The following NR1D2 variants were observed in gnomAD, a reference collection of about 807,000 sequenced individuals.
NR1D2 encodes the protein V-erbA-related protein 1-related.
Under a neutral mutation model 52.2 loss-of-function variants are expected in NR1D2, and 25 were observed. The ratio of observed to expected loss-of-function variants is 0.48; its 90% CI spans 0.35 to 0.67. The LOEUF is 0.67. NR1D2 is among the 30% of genes least tolerant of loss of function. The probability of loss-of-function intolerance (pLI) is 0.01; values close to 1 mark genes in which losing one functional copy is unlikely to be tolerated. For synonymous variants in NR1D2, 259 were observed against 230.1 expected, an observed-to-expected ratio of 1.13 and a Z score of -1.14; for missense variants, 681 against 707.2, an observed-to-expected ratio of 0.96 and a Z score of 0.42.
chr3:23,971,169 A>G (rs554485616), intron 7 of NR1D2, among the ~76,000 whole-genome samples: 1 of 152,180 alleles, frequency 6.6e-6, no homozygotes, highest in South Asian at 2.1e-4. Flanking sequence ...TTAAAATGAA[A>G]AGTCTCTGCT....
chr3:23,963,607 G>A (rs1250178028), intron 5 of NR1D2, among the ~76,000 whole-genome samples: 1 of 152,008 alleles, frequency 6.6e-6, no homozygotes, highest in South Asian at 2.1e-4. Context: ...GCATCACCAT[G>A]CCTGGCTAAT....
intron 1 of NR1D2, among the ~76,000 whole-genome samples, chr3:23,947,507 T>A (rs1048030019): frequency 2.6e-5 from 4 of 152,216 alleles, no homozygotes; most frequent in Non-Finnish European, 4.4e-5. Context: ...GTTGGATGAT[T>A]ATCAAGTTCC....
intron 2 of NR1D2, among the ~76,000 whole-genome samples, chr3:23,955,766 T>C (rs571000980): frequency 6.6e-6 from 1 of 152,048 alleles, no homozygotes; most frequent in East Asian, 1.9e-4. Context: ...GAGGTTGCAA[T>C]GAGCTGAGAT....
chr3:23,972,402 T>G (rs566141549), intron 7 of NR1D2, among the ~76,000 whole-genome samples: 30 of 152,318 alleles, frequency 2.0e-4, no homozygotes, highest in Admixed American at 1.4e-3. Context: ...ATCTCAAACA[T>G]GATGTTTGCC....
In NR1D2 at chr3:23,962,125, A is replaced by G. The variant is rs1339860153; in HGVS notation, c.666A>G (p.Pro222=). Residue 222 remains proline (P), a synonymous_variant, in exon 5 of 8, where the codon CCA becomes CCG. Transcript: ENST00000312521. ...LVEHHEQTAL[P]AQEQLRPKPQ... ...AACATCATGAACAGACAGCCTTGCC[A>G]GCCCAGGAACAGCTGCGACCCAAGC... The G allele has an allele frequency of 1.2e-6, 2 of 1,614,110 alleles. No homozygotes were observed. The highest frequency in any genetic ancestry group is 1.7e-6 in the Non-Finnish European group (2 of 1,180,048).
intron 1 of NR1D2, 23 bp downstream of exon 1, chr3:23,945,617 T>TG (rs1482283210): frequency 2.0e-6 from 2 of 1,016,850 alleles, no homozygotes; most frequent in Non-Finnish European, 2.3e-6. Context: ...CTGCGGCGGG[T>TG]GGGGGATGGC....
In NR1D2 at chr3:23,979,547, AATATATAC is replaced by A. The variant is rs576074248; in HGVS notation, c.*2139_*2146del. The stretch of plus-strand genomic sequence containing the variant: ...TGCTTATAAAACTTTAGTTAGGTTC[AATATATAC>A]ATATATACATCTCTATATAGGTATA... On this transcript the variant is annotated 3_prime_UTR_variant, in exon 8 of 8. Transcript: ENST00000312521. 2.8e-4 allele frequency: 42 copies of A among 152,232 alleles called. No individual in the cohort carries two copies. The highest frequency in any genetic ancestry group is 1.0e-3 in the African/African-American group (42 of 41,570). The allele number at this position is 152,232 out of a possible 1,614,324, so 9.4% of individuals were successfully genotyped here. A position where few individuals can be genotyped will look rare whatever the true frequency, so the allele number is the denominator to read the frequency against.
At chr3:23,967,704 A>T in intron 6 of NR1D2, 109 bp from the exon 7 acceptor site, 5 of 807,868 alleles carry the variant, frequency 6.2e-6, no homozygotes, top group Admixed American at 2.8e-5. Context: ...TTCTTTTATA[A>T]CTTTCTTTTA....
At chr3:23,945,966 C>T (rs1705676699) in intron 1 of NR1D2, among the ~76,000 whole-genome samples, 1 of 151,442 alleles carries the variant, frequency 6.6e-6, no homozygotes, top group Admixed American at 6.6e-5. Flanking sequence ...CGGGCGGGGA[C>T]ACGTGAGGCC....
chr3:23,963,466 T>C, intron 5 of NR1D2: 1 of 1,121,478 alleles, frequency 8.9e-7, no homozygotes, highest in Admixed American at 4.2e-5. Flanking sequence ...TTGTTTTTTT[T>C]TTTGAGACAT....
chr3:23,961,952 C>T (rs200047267), intron 4 of NR1D2, 25 bp from the exon 5 acceptor site: 26 of 1,554,734 alleles, frequency 1.7e-5, no homozygotes, highest in East Asian at 4.5e-5. Flanking sequence ...AGAATATAGA[C>T]GTTAAATATC....
At chr3:23,964,821 G>T (rs1706396509) in intron 5 of NR1D2, 156 bp from the exon 6 acceptor site, 1 of 556,634 alleles carries the variant, frequency 1.8e-6, no homozygotes, top group Non-Finnish European at 3.2e-6. Context: ...ACAGTATGGT[G>T]GGCAGCAAAT....
Position 23,977,472 on chromosome 3 carries a change from A to G in NR1D2, c.*53A>G. 1.6e-6 allele frequency: 2 copies of G among 1,261,192 alleles called. No individual in the cohort carries two copies. Among genetic ancestry groups the G allele is most frequent in the Non-Finnish European group, 2.2e-6 (2 of 910,600 alleles). 78.1% of individuals were successfully genotyped at this position (1,261,192 alleles called of 1,614,324 possible). ...ATGGTAACTGTACATTTTGTGCTAAAATGCATATTTATATGTGTATACCAT... is the reference window on the plus strand; with the variant it reads ...ATGGTAACTGTACATTTTGTGCTAAGATGCATATTTATATGTGTATACCAT... On this transcript the variant is annotated 3_prime_UTR_variant, in exon 8 of 8. Transcript: ENST00000312521.
intron 6 of NR1D2, among the ~76,000 whole-genome samples, chr3:23,967,024 A>G (rs1706465610): frequency 6.6e-6 from 1 of 151,548 alleles, no homozygotes; most frequent in Non-Finnish European, 1.5e-5. Flanking sequence ...ACCCTGTCTC[A>G]ATAAATAAAT....
chr3:23,950,229 T>C (rs1705888477), intron 1 of NR1D2, among the ~76,000 whole-genome samples: 1 of 152,248 alleles, frequency 6.6e-6, no homozygotes, highest in Non-Finnish European at 1.5e-5. Context: ...AGAAGACCAC[T>C]CAGGTTTAGA....
chr3:23,962,598 T>G lies in NR1D2; in HGVS notation c.1139T>G (p.Met380Arg). ...TACCTGTGCAACACTGGAGGAAGAATGCATCTGGTATAGTGAAATCGATTT... is the reference window on the plus strand; with the variant it reads ...TACCTGTGCAACACTGGAGGAAGAAGGCATCTGGTATAGTGAAATCGATTT... Reference protein sequence around the residue: ...NSYLCNTGGRMHLVCPMSKSP... With the variant: ...NSYLCNTGGRRHLVCPMSKSP... The change falls in exon 5 of 8, where the codon ATG (methionine) becomes AGG (arginine). Residue 380 changes from methionine (M) to arginine (R), a missense_variant. Met to Arg is a moderately conservative substitution (Grantham distance 91). Around this residue, in one of 3 missense-constraint regions of NR1D2, gnomAD observed 475 missense variants for 454.5 expected, o/e 1.05. Transcript: ENST00000312521. 1.3e-6 allele frequency: 2 copies of G among 1,598,846 alleles called. No homozygotes were observed. The highest frequency in any genetic ancestry group is 8.6e-7 in the Non-Finnish European group (1 of 1,169,346).
intron 1 of NR1D2, among the ~76,000 whole-genome samples, chr3:23,947,470 A>G (rs1705773100): frequency 6.6e-6 from 1 of 152,242 alleles, no homozygotes; most frequent in South Asian, 2.1e-4. Flanking sequence ...TGGAGCACCC[A>G]GAAGTGAACA....
chr3:23,976,499 T>G (rs1424968473), intron 7 of NR1D2, among the ~76,000 whole-genome samples: 1 of 152,112 alleles, frequency 6.6e-6, no homozygotes, highest in Non-Finnish European at 1.5e-5. Flanking sequence ...CAAGATTGAG[T>G]TCCTTGCAAG....
At chr3:23,946,669 C>G (rs1705727930) in intron 1 of NR1D2, 2 of 152,102 alleles carry the variant, frequency 1.3e-5, no homozygotes, top group South Asian at 4.1e-4. Context: ...ATAGGTGACT[C>G]CAACACCATA....
Sources: allele counts gnomAD v4.1 joint callset (sites outside exome capture counted in the v4.1 genomes callset), GRCh38; gene constraint gnomAD v4.1.1; regional missense constraint gnomAD v4.1.1; transcripts MANE v1.5; gene names NCBI Gene and HGNC (gene_info 2026-07-23, HGNC 2026-07-21).